The following EFHC2 variants were observed in gnomAD, a reference collection of about 807,000 sequenced individuals.
EFHC2 encodes the protein EF-hand domain containing 2.
EFHC2 carries 18 observed loss-of-function variants against 52.7 expected under a neutral mutation model. The observed-to-expected ratio is 0.34, with a 90% CI of 0.24 to 0.51. The LOEUF (loss-of-function observed/expected upper bound fraction) is 0.51, where lower values mean the gene tolerates loss of function less well. Among genes scored for constraint, EFHC2 ranks in the 20% least tolerant of loss-of-function variants. EFHC2 has a pLI of 0.97. For synonymous variants in EFHC2, 203 were observed against 204.1 expected, an observed-to-expected ratio of 0.99 and a Z score of 0.04; for missense variants, 513 against 562.5, an observed-to-expected ratio of 0.91 and a Z score of 0.89.
At chrX:44,185,544 T>C (rs1056021469) in intron 11 of EFHC2, among the ~76,000 whole-genome samples, 1 of 101,326 alleles carries the variant, frequency 9.9e-6, no homozygotes, top group Non-Finnish European at 1.9e-5. Flanking sequence ...TAATAAGTCT[T>C]TTTTTTTTTA....
intron 2 of EFHC2, among the ~76,000 whole-genome samples, chrX:44,289,677 C>CTTTTTTTTTTTT (rs1207899077): frequency 8.3e-5 from 6 of 72,287 alleles, no homozygotes; most frequent in African/African-American, 2.4e-4. Context: ...TCTTTTCTTT[C>CTTTTTTTTTTTT]TTTTTTTTTT....
chrX:44,340,720 T>C (rs2038147308), intron 1 of EFHC2, among the ~76,000 whole-genome samples: 1 of 111,568 alleles, frequency 9.0e-6, no homozygotes, highest in Non-Finnish European at 1.9e-5. Context: ...TAAAACATGC[T>C]CAATTTCATT....
At position 44,238,811 on chromosome X, in the gene EFHC2, CTTCT is replaced by C. The variant is rs765465504; in HGVS notation, c.1280+3306_1280+3309del. Among the ~76,000 whole-genome samples, 260 of 111,921 alleles carry C rather than the reference CTTCT, an allele frequency of 2.3e-3. 1 individual carries two copies. The highest frequency in any genetic ancestry group is 8.2e-3 in the African/African-American group (252 of 30,785). ...TATTCTTTCCACAGCAACTTAATAC[CTTCT>C]TTATTTTTTTCACAGTACTTAACAT... On this transcript the variant is annotated intron_variant, in intron 8 of 14. Transcript: ENST00000420999.
chrX:44,308,895 C>T (rs1241024326), intron 2 of EFHC2, among the ~76,000 whole-genome samples: 1 of 112,561 alleles, frequency 8.9e-6, no homozygotes, highest in Non-Finnish European at 1.9e-5. Context: ...CTATTATCGC[C>T]TTGTGAGTAC....
chrX:44,231,950 AAACTCTTTG>A lies in EFHC2; in HGVS notation c.1620+522_1620+530del. ...ATCTGCCATCTTATTTCAAAAAAAA[AAACTCTTTG>A]AGCTCACTGTTGCCAGTTTATCCTT... On this transcript the variant is annotated intron_variant, in intron 10 of 14. Transcript: ENST00000420999. Among the ~76,000 whole-genome samples the A allele has an allele frequency of 3.6e-5, 4 of 112,128 alleles. No homozygotes were observed. In the Admixed American group the frequency reaches 3.8e-4, roughly 11 times the overall value.
intron 13 of EFHC2, among the ~76,000 whole-genome samples, chrX:44,170,791 G>C (rs939750956): frequency 9.0e-6 from 1 of 111,673 alleles, no homozygotes; most frequent in Admixed American, 9.4e-5. Context: ...CATGGTCAAA[G>C]GACAAAGATT....
At position 44,163,937 on chromosome X, in the gene EFHC2, T is replaced by C. The variant is rs757125349; in HGVS notation, c.2133A>G (p.Ala711=). The change falls in exon 14 of 15, where the codon GCA becomes GCG. Residue 711 remains alanine, a synonymous_variant. Coordinates refer to ENST00000420999, the MANE Select transcript of EFHC2 (RefSeq NM_025184.4). The stretch of plus-strand genomic sequence containing the variant: ...TTCATTTTACCTCTTTAAGGTATGA[T>C]GCTGGTTGCAATTCAGGCACTGGAT... ...RKNPVPELQP[A]SYLKERCEDV... 11 of 1,162,975 alleles carry C rather than the reference T, an allele frequency of 9.5e-6. No individual in the cohort carries two copies. In the African/African-American group the frequency reaches 1.1e-4, roughly 11 times the overall value.
intron 2 of EFHC2, among the ~76,000 whole-genome samples, chrX:44,279,355 A>G (rs1377005569): frequency 2.7e-5 from 3 of 112,109 alleles, no homozygotes; most frequent in Non-Finnish European, 5.6e-5. Context: ...ACAATAAACA[A>G]AAGGTTTTGA....
At chrX:44,265,414 G>A (rs1174954789) in intron 3 of EFHC2, among the ~76,000 whole-genome samples, 2 of 110,817 alleles carry the variant, frequency 1.8e-5, no homozygotes, top group South Asian at 3.8e-4. Flanking sequence ...CTGAGATTAC[G>A]GGCATGGCCA....
intron 14 of EFHC2, among the ~76,000 whole-genome samples, chrX:44,151,729 A>G (rs1324715219): frequency 8.9e-6 from 1 of 112,015 alleles, no homozygotes; most frequent in Non-Finnish European, 1.9e-5. Flanking sequence ...TGAGTTTTGG[A>G]GGGGACAATA....
intron 11 of EFHC2, among the ~76,000 whole-genome samples, chrX:44,183,745 G>C (rs548355675): frequency 9.0e-6 from 1 of 111,625 alleles, no homozygotes; most frequent in Non-Finnish European, 1.9e-5. Flanking sequence ...GGTTTCTTCC[G>C]GAGTTATGCA....
chrX:44,289,677 CTTT>C (rs1207899077), intron 2 of EFHC2, among the ~76,000 whole-genome samples: 47 of 72,287 alleles, frequency 6.5e-4, no homozygotes, highest in Middle Eastern at 7.5e-3. Context: ...TCTTTTCTTT[CTTT>C]TTTTTTTTTT....
At chrX:44,269,760 A>G (rs989506877) in intron 3 of EFHC2, among the ~76,000 whole-genome samples, 19 of 111,290 alleles carry the variant, frequency 1.7e-4, no homozygotes, top group African/African-American at 5.9e-4. Context: ...ACCCAGCCCC[A>G]GGTATTCCTT....
chrX:44,251,238 CAAAAAAAAAAAAAAAA>C (rs746850685), intron 4 of EFHC2, among the ~76,000 whole-genome samples: 2 of 18,313 alleles, frequency 1.1e-4, no homozygotes, highest in Non-Finnish European at 1.5e-4. Flanking sequence ...GACTCCATCT[CAAAAAAAAAAAAAAAA>C]AAAAAAAAAA....
At chrX:44,226,509 A>G (rs1466784505) in intron 11 of EFHC2, among the ~76,000 whole-genome samples, 2 of 111,442 alleles carry the variant, frequency 1.8e-5, no homozygotes, top group Non-Finnish European at 3.8e-5. Context: ...GAAGAAAATG[A>G]GGTCAAGTTA....
chrX:44,268,115 A>C (rs965424333), intron 3 of EFHC2, among the ~76,000 whole-genome samples: 1 of 111,958 alleles, frequency 8.9e-6, no homozygotes, highest in African/African-American at 3.2e-5. Flanking sequence ...GTGTCTTCAC[A>C]CAGGGAAATG....
At position 44,169,113 on chromosome X, in the gene EFHC2, A is replaced by C. The variant is rs6610896; in HGVS notation, c.2043-5086T>G. Among the ~76,000 whole-genome samples the C allele has an allele frequency of 4.5e-3, 498 of 111,631 alleles. 15 individuals carry two copies. In the East Asian group the frequency reaches 0.11, roughly 24 times the overall value. ...CAAGAAAGGAATATCTGGATGAAAA[A>C]CGTGCTCTTGGAATTAAAATTTTTA... On this transcript the variant is annotated intron_variant, in intron 13 of 14. Coordinates refer to ENST00000420999, the MANE Select transcript of EFHC2 (RefSeq NM_025184.4).
chrX:44,199,356 G>A (rs541879856), intron 11 of EFHC2, among the ~76,000 whole-genome samples: 19 of 113,025 alleles, frequency 1.7e-4, no homozygotes, highest in Middle Eastern at 4.6e-3. Context: ...ACCACACTTC[G>A]TGTACAGTCT....
At chrX:44,243,436 G>C (rs1235526505) in intron 7 of EFHC2, among the ~76,000 whole-genome samples, 1 of 112,116 alleles carries the variant, frequency 8.9e-6, no homozygotes, top group Non-Finnish European at 1.9e-5. Flanking sequence ...CTCCGGAAGA[G>C]AAAATGGAGA....
Sources: gnomAD v4.1 joint callset for allele counts (sites outside exome capture counted in the v4.1 genomes callset) on GRCh38, gnomAD v4.1.1 for gene constraint, MANE v1.5 for transcripts, NCBI Gene and HGNC (gene_info 2026-07-23, HGNC 2026-07-21) for gene names.